The following KCNK2 variants were observed in gnomAD, a reference collection of about 807,000 sequenced individuals.
KCNK2 encodes potassium two pore domain channel subfamily K member 2, also known as potassium channel subfamily K member 2.
Under a neutral mutation model 40.5 loss-of-function variants are expected in KCNK2, and 21 were observed. The ratio of observed to expected loss-of-function variants is 0.52; its 90% CI spans 0.37 to 0.75. The LOEUF is 0.75. Ranked by LOEUF, KCNK2 falls within the 30% of genes least tolerant of loss-of-function variation. KCNK2 has a pLI of 0.00. For synonymous variants in KCNK2, 191 were observed against 202.2 expected (o/e 0.94, Z 0.47); for missense variants, 399 against 531.6 (o/e 0.75, Z 2.45).
rs1415800201 is a variant in KCNK2, at chr1:215,105,261, C to A, written c.357+18583C>A. ...TCCCCTTCCTCCACCCACTAGCAAC[C>A]AGCACTGTGTTTTCTGCTTCCATGA... On this transcript the variant is annotated intron_variant, in intron 2 of 6. Coordinates refer to ENST00000444842, the MANE Select transcript of KCNK2 (RefSeq NM_001017425.3). Among the ~76,000 whole-genome samples the A allele has an allele frequency of 3.9e-5, 6 of 152,092 alleles. No homozygotes were observed. The East Asian group carries it at 1.2e-3, about 29-fold the overall frequency.
At chr1:215,062,982 T>G (rs1658409321) in intron 1 of KCNK2, among the ~76,000 whole-genome samples, 1 of 152,084 alleles carries the variant, frequency 6.6e-6, no homozygotes, top group South Asian at 2.1e-4. Context: ...AACTTGGGTC[T>G]AGAAGAAGGA....
intron 6 of KCNK2, among the ~76,000 whole-genome samples, chr1:215,197,257 C>T (rs552795503): frequency 3.5e-4 from 53 of 152,280 alleles, no homozygotes; most frequent in African/African-American, 1.3e-3. Flanking sequence ...AGTAATGAGT[C>T]TGCTCTAGCT....
At chr1:215,143,716 T>C (rs558535024) in intron 3 of KCNK2, among the ~76,000 whole-genome samples, 1 of 152,262 alleles carries the variant, frequency 6.6e-6, no homozygotes, top group South Asian at 2.1e-4. Flanking sequence ...CTGCCTCTAG[T>C]GGCCAGGGGA....
intron 1 of KCNK2, among the ~76,000 whole-genome samples, chr1:215,007,627 T>C (rs1230234297): frequency 6.6e-6 from 1 of 152,058 alleles, no homozygotes; most frequent in Non-Finnish European, 1.5e-5. Flanking sequence ...TGAACACATG[T>C]CCTTCTGCTG....
chr1:215,044,833 G>GCACACA (rs113136371), intron 1 of KCNK2, among the ~76,000 whole-genome samples: 1 of 141,320 alleles, frequency 7.1e-6, no homozygotes, highest in African/African-American at 2.6e-5. Context: ...GTGTGCGCGC[G>GCACACA]CACACGTGTG....
Position 215,169,337 on chromosome 1 carries a change from C to T in KCNK2, c.614C>T (p.Ala205Val), listed in dbSNP as rs772100247. ...QLGTIFGKGIAKVEDTFIKWN... is the reference protein window; with the variant it reads ...QLGTIFGKGIVKVEDTFIKWN... ...GGCACCATATTTGGAAAAGGAATTGCCAAAGTGGAAGATACGTTTATTGTG... is the reference window on the plus strand; with the variant it reads ...GGCACCATATTTGGAAAAGGAATTGTCAAAGTGGAAGATACGTTTATTGTG... The change falls in exon 4 of 7, where the codon GCC becomes GTC. Residue 205 changes from alanine to valine, a missense_variant. Ala to Val is a moderately conservative substitution (Grantham distance 64). This residue lies in a region of KCNK2 where 279 missense variants were observed against 353.8 expected (regional missense o/e 0.79). Transcript: ENST00000444842. The T allele has an allele frequency of 6.2e-7, 1 of 1,611,496 alleles. No homozygotes were observed. Among genetic ancestry groups the T allele is most frequent in the Non-Finnish European group, 8.5e-7 (1 of 1,178,770 alleles).
At chr1:215,180,477 T>G (rs1664179631) in intron 5 of KCNK2, among the ~76,000 whole-genome samples, 1 of 152,194 alleles carries the variant, frequency 6.6e-6, no homozygotes, top group African/African-American at 2.4e-5. Flanking sequence ...CTTAAGTGTG[T>G]TTTTGTGGTA....
intron 3 of KCNK2, among the ~76,000 whole-genome samples, chr1:215,135,579 T>C (rs1661869965): frequency 1.3e-5 from 2 of 151,522 alleles, no homozygotes; most frequent in African/African-American, 4.9e-5. Context: ...AATATAAAAA[T>C]TAAAAAAAAA....
intron 1 of KCNK2, among the ~76,000 whole-genome samples, chr1:215,051,180 A>T (rs1657972288): frequency 6.6e-6 from 1 of 152,172 alleles, no homozygotes; most frequent in Admixed American, 6.5e-5. Flanking sequence ...GATTCAAGCA[A>T]TCCTCCTCCT....
intron 1 of KCNK2, among the ~76,000 whole-genome samples, chr1:215,059,743 T>C (rs1416963492): frequency 6.6e-6 from 1 of 152,190 alleles, no homozygotes; most frequent in African/African-American, 2.4e-5. Context: ...CCATGTTATC[T>C]GGGCCTAGAC....
At chr1:215,012,676 G>T in intron 1 of KCNK2, among the ~76,000 whole-genome samples, 1 of 147,860 alleles carries the variant, frequency 6.8e-6, no homozygotes. Context: ...TGTAGAGTCA[G>T]TGCCTTGCTA....
At chr1:215,043,433 G>A (rs1295625990) in intron 1 of KCNK2, among the ~76,000 whole-genome samples, 1 of 152,212 alleles carries the variant, frequency 6.6e-6, no homozygotes, top group Non-Finnish European at 1.5e-5. Context: ...ACAAAATGTG[G>A]TATATGCATA....
chr1:215,019,674 A>G (rs185248916), intron 1 of KCNK2, among the ~76,000 whole-genome samples: 13 of 152,334 alleles, frequency 8.5e-5, no homozygotes, highest in Admixed American at 7.2e-4. Context: ...AACATTCAGA[A>G]TTGCCACATA....
In KCNK2 at chr1:215,236,248, T is replaced by C. The variant is rs1285516375; in HGVS notation, c.*1103T>C. On this transcript the variant is annotated 3_prime_UTR_variant, in exon 7 of 7. Coordinates refer to ENST00000444842, the MANE Select transcript of KCNK2 (RefSeq NM_001017425.3). ...TAAACAGTATACTGCCAGCTTCTAA[T>C]TGCTTTTTGATGTATGAAAGGCTTA... is the stretch of plus-strand genomic sequence containing the variant. The C allele has an allele frequency of 2.6e-5, 4 of 152,270 alleles. No homozygotes were observed. Among genetic ancestry groups the C allele is most frequent in the African/African-American group, 4.8e-5 (2 of 41,466 alleles). The allele number at this position is 152,270 out of a possible 1,614,324, so 9.4% of individuals were successfully genotyped here.
chr1:215,209,476 T>TTATATATAATATAATATATATTA (rs370130203), intron 6 of KCNK2, among the ~76,000 whole-genome samples: 15,639 of 43,088 alleles, frequency 0.36, 4,418 homozygotes, highest in Non-Finnish European at 0.51. Flanking sequence ...ATAATATATA[T>TTATATATAATATAATATATATTA]TATATATAAT....
At chr1:215,049,730 C>T (rs191511064) in intron 1 of KCNK2, among the ~76,000 whole-genome samples, 19 of 151,984 alleles carry the variant, frequency 1.3e-4, no homozygotes, top group Admixed American at 1.1e-3. Flanking sequence ...AATGAAAGTC[C>T]ACTTGCTTCC....
At chr1:215,047,143 C>A (rs2802646) in intron 1 of KCNK2, among the ~76,000 whole-genome samples, 1 of 151,942 alleles carries the variant, frequency 6.6e-6, no homozygotes, top group African/African-American at 2.4e-5. Flanking sequence ...AAATTAAATA[C>A]GATTTAATGT....
intron 1 of KCNK2, among the ~76,000 whole-genome samples, chr1:215,053,162 C>T (rs1658047328): frequency 6.6e-6 from 1 of 151,978 alleles, no homozygotes; most frequent in African/African-American, 2.4e-5. Flanking sequence ...AACGATGAGT[C>T]CGTGGCTTCC....
In KCNK2 at chr1:215,007,185, GTATATATATATATATATATA is replaced by G. The variant is rs1162302568; in HGVS notation, c.34+1253_34+1272del. 9.0e-4 allele frequency among the ~76,000 whole-genome samples: 28 copies of G among 31,030 alleles called. 1 individual carries two copies. The highest frequency in any genetic ancestry group is 3.9e-3 in the East Asian group (3 of 766). 20.4% of individuals were successfully genotyped at this position (31,030 alleles called of 152,430 possible). On this transcript the variant is annotated intron_variant, in intron 1 of 6. Coordinates refer to the KCNK2 transcript ENST00000391895. ...TGTATATATATATGTATGTGTGTGG[GTATATATATATATATATATA>G]TATATATATATATATATATATAGGC... is the stretch of plus-strand genomic sequence containing the variant.
Sources: allele counts gnomAD v4.1 joint callset (sites outside exome capture counted in the v4.1 genomes callset), GRCh38; gene constraint gnomAD v4.1.1; regional missense constraint gnomAD v4.1.1; transcripts MANE v1.5; gene names NCBI Gene and HGNC (gene_info 2026-07-23, HGNC 2026-07-21).